The following CLGN variants were observed in gnomAD, a reference collection of about 807,000 sequenced individuals.
CLGN encodes testis tissue sperm-binding protein Li 79P.
In CLGN, 62 loss-of-function variants were observed where a neutral mutation model predicts 79.1. The observed-to-expected ratio is 0.78, with a 90% CI of 0.64 to 0.97. CLGN has a LOEUF of 0.97. CLGN is among the 50% of genes least tolerant of loss of function. CLGN has a pLI of 0.00. For missense variants in CLGN, 647 were observed against 715.5 expected (o/e 0.90, Z 1.09); for synonymous variants, 225 against 224.7 (o/e 1.00, Z -0.01).
chr4:140,395,721 T>A, intron 10 of CLGN, 98 bp downstream of exon 10: 1 of 1,050,742 alleles, frequency 9.5e-7, no homozygotes, highest in African/African-American at 1.6e-5. Flanking sequence ...AAATTAAAAA[T>A]GAAACTTCCA....
chr4:140,403,875 T>C (rs1204740688), intron 5 of CLGN, among the ~76,000 whole-genome samples: 1 of 152,202 alleles, frequency 6.6e-6, no homozygotes, highest in Admixed American at 6.5e-5. Context: ...ACCAAGGACA[T>C]ATGCAGAGTA....
At chr4:140,425,921 G>A (rs1459868075) in intron 1 of CLGN, among the ~76,000 whole-genome samples, 1 of 152,034 alleles carries the variant, frequency 6.6e-6, no homozygotes, top group Non-Finnish European at 1.5e-5. Flanking sequence ...GAGCCACCGC[G>A]CCGGGCCTTC....
Position 140,400,604 on chromosome 4 carries a change from A to G in CLGN, c.502-55T>C, listed in dbSNP as rs563898514. 38 of 1,142,788 alleles carry G rather than the reference A, an allele frequency of 3.3e-5. No individual in the cohort carries two copies. In the African/African-American group the frequency reaches 5.5e-4, roughly 17 times the overall value. The allele number at this position is 1,142,788 out of a possible 1,614,324, so 70.8% of individuals were successfully genotyped here. A position where few individuals can be genotyped will look rare whatever the true frequency, so the allele number is the denominator to read the frequency against. On this transcript the variant is annotated intron_variant, in intron 6 of 14. Coordinates refer to ENST00000325617, the MANE Select transcript of CLGN (RefSeq NM_004362.3). ...TCCAGAATCACAGACTATTTAATGC[A>G]TTTCTGTATTTTATCCAATGGGTAG...
intron 1 of CLGN, among the ~76,000 whole-genome samples, chr4:140,420,554 T>TAA (rs397878452): frequency 2.7e-5 from 4 of 150,734 alleles, no homozygotes; most frequent in African/African-American, 7.3e-5. Flanking sequence ...TTCTTTTTTT[T>TAA]AAAAAAAAAA....
At chr4:140,398,594 A>G (rs572083049) in intron 8 of CLGN, among the ~76,000 whole-genome samples, 1 of 152,182 alleles carries the variant, frequency 6.6e-6, no homozygotes, top group African/African-American at 2.4e-5. Context: ...GATTTATGAA[A>G]TTTTTAATCC....
In CLGN at chr4:140,399,095, A is replaced by T. The variant is rs889268114; in HGVS notation, c.695-55T>A. ...TATCATTTTGATATACGCTTTAAAG[A>T]TAATCTTCTAAATAATGTAACTACC... On this transcript the variant is annotated intron_variant, in intron 7 of 14. Coordinates refer to ENST00000325617, the MANE Select transcript of CLGN (RefSeq NM_004362.3). 7 of 1,428,470 alleles carry T rather than the reference A, an allele frequency of 4.9e-6. No homozygotes were observed. The African/African-American group carries it at 8.7e-5, about 18-fold the overall frequency. 88.5% of individuals were successfully genotyped at this position (1,428,470 alleles called of 1,614,324 possible).
At chr4:140,426,785 A>G (rs1729575308) in intron 1 of CLGN, 2 of 152,252 alleles carry the variant, frequency 1.3e-5, no homozygotes, top group Non-Finnish European at 2.9e-5. Context: ...GCTTGGGCAG[A>G]TGCTATAAAT....
In CLGN at chr4:140,389,294, G is replaced by C; in HGVS notation, c.1763C>G (p.Ala588Gly). The C allele has an allele frequency of 6.2e-7, 1 of 1,611,510 alleles. No individual in the cohort carries two copies. Among genetic ancestry groups the C allele is most frequent in the South Asian group, 1.1e-5 (1 of 90,976 alleles). The change falls in exon 15 of 15, where the codon GCA becomes GGA. Residue 588 changes from alanine to glycine, a missense_variant. Physicochemically the swap from Ala to Gly is moderately conservative, Grantham distance 60. Transcript: ENST00000325617. ...KSGSEDEMKE[A>G]DESTGSGDGP... Reference sequence around the variant, plus strand: ...ATCTCCAGATCCTGTGCTCTCATCTGCTTCTTTCATCTAGAAAAAATAATT... The same window carrying C: ...ATCTCCAGATCCTGTGCTCTCATCTCCTTCTTTCATCTAGAAAAAATAATT...
intron 8 of CLGN, among the ~76,000 whole-genome samples, chr4:140,397,020 G>A (rs1037515517): frequency 2.0e-5 from 3 of 149,706 alleles, no homozygotes; most frequent in African/African-American, 7.4e-5. Flanking sequence ...TCCTCTTGGA[G>A]GACATTTAGT....
At chr4:140,414,244 T>C (rs1441426992) in intron 1 of CLGN, among the ~76,000 whole-genome samples, 2 of 151,814 alleles carry the variant, frequency 1.3e-5, no homozygotes, top group Non-Finnish European at 2.9e-5. Context: ...ACCACAAAGA[T>C]GGGGGGAAAA....
intron 8 of CLGN, 73 bp from the exon 9 acceptor site, chr4:140,396,278 AC>A: frequency 8.5e-7 from 1 of 1,179,528 alleles, no homozygotes; most frequent in Non-Finnish European, 1.3e-6. Flanking sequence ...CTAAGAAGGT[AC>A]CATAAAATTA....
chr4:140,396,886 T>TATATATATATATATATAC (rs1728892860), intron 8 of CLGN, among the ~76,000 whole-genome samples: 1 of 61,964 alleles, frequency 1.6e-5, no homozygotes, highest in Non-Finnish European at 2.7e-5. Flanking sequence ...TATATATATA[T>TATATATATATATATATAC]ATATGTATAT....
Position 140,392,598 on chromosome 4 carries a change from T to C in CLGN, c.1479A>G (p.Pro493=). 1 of 1,596,666 alleles carries C rather than the reference T, an allele frequency of 6.3e-7. No individual in the cohort carries two copies. Among genetic ancestry groups the C allele is most frequent in the Non-Finnish European group, 8.5e-7 (1 of 1,175,164 alleles). ...PIALITSFCW[P]RKVKKKHKDT... ...CCATTTTCTTTACCTTTACTTTTCT[T>C]GGCCAACAAAATGAAGTAATTAATG... The change falls in exon 12 of 15, where the codon CCA becomes CCG. Residue 493 remains proline (P), a synonymous_variant. Coordinates refer to ENST00000325617, the MANE Select transcript of CLGN (RefSeq NM_004362.3).
At chr4:140,416,979 G>A (rs1306832090) in intron 1 of CLGN, among the ~76,000 whole-genome samples, 7 of 152,144 alleles carry the variant, frequency 4.6e-5, no homozygotes, top group Non-Finnish European at 8.8e-5. Context: ...GAATCCAGCA[G>A]CACATCAAAA....
In CLGN at chr4:140,394,165, T is replaced by C; in HGVS notation, c.1150-124A>G. 6 of 643,334 alleles carry C rather than the reference T, an allele frequency of 9.3e-6. No individual in the cohort carries two copies. In the South Asian group the frequency reaches 1.2e-4, roughly 13 times the overall value. 39.9% of individuals were successfully genotyped at this position (643,334 alleles called of 1,614,324 possible). On this transcript the variant is annotated intron_variant, in intron 10 of 14. Coordinates refer to ENST00000325617, the MANE Select transcript of CLGN (RefSeq NM_004362.3). ...CTGGAAAAAAGAGAATTTTAACTGA[T>C]ATTAATTCATTAGTAATATACTGGA...
intron 13 of CLGN, among the ~76,000 whole-genome samples, chr4:140,391,494 T>C (rs1728772481): frequency 6.6e-6 from 1 of 151,580 alleles, no homozygotes; most frequent in African/African-American, 2.4e-5. Context: ...AACATGTGTA[T>C]GTATATGTGT....
intron 10 of CLGN, among the ~76,000 whole-genome samples, chr4:140,394,370 A>C (rs1284043622): frequency 6.6e-6 from 1 of 152,212 alleles, no homozygotes; most frequent in Non-Finnish European, 1.5e-5. Flanking sequence ...GCAAAATGTT[A>C]TTCAAGTTGT....
chr4:140,398,917 T>C lies in CLGN; in HGVS notation c.818A>G (p.Lys273Arg), dbSNP rs143634804. ...PPKEIEDPND[K>R]KPEEWDERAK... ...TCTTTCATCCCATTCCTCAGGTTTT[T>C]TATCATTGGGATCTTCAATTTCTTT... is the stretch of plus-strand genomic sequence containing the variant. Residue 273 changes from lysine to arginine, a missense_variant, in exon 8 of 15, where the codon AAA becomes AGA. Physicochemically the swap from Lys to Arg is conservative, Grantham distance 26. Transcript: ENST00000325617. The C allele has an allele frequency of 2.0e-5, 33 of 1,614,002 alleles. No homozygotes were observed. In the East Asian group the frequency reaches 6.9e-4, roughly 34 times the overall value.
rs1728862459 is a variant in CLGN at position 140,395,835 on chromosome 4, T to C, written c.1133A>G (p.Asp378Gly). ...YKGVWRPPLV[D>G]NPNYQGIWSP... ...GGTTGTTACCTGATAGTTAGGATTA[T>C]CGACCAGTGGAGGTCTCCATACTCC... The change falls in exon 10 of 15, where the codon GAT becomes GGT. Residue 378 changes from aspartate (D) to glycine (G), a missense_variant. Transcript: ENST00000325617. 6.6e-7 allele frequency: 1 copy of C among 1,507,506 alleles called. No homozygotes were observed. Among genetic ancestry groups the C allele is most frequent in the Non-Finnish European group, 8.8e-7 (1 of 1,134,494 alleles). The allele number at this position is 1,507,506 out of a possible 1,614,324, so 93.4% of individuals were successfully genotyped here.
Sources: gnomAD v4.1 joint callset for allele counts (sites outside exome capture counted in the v4.1 genomes callset) on GRCh38, gnomAD v4.1.1 for gene constraint, MANE v1.5 for transcripts, NCBI Gene and HGNC (gene_info 2026-07-23, HGNC 2026-07-21) for gene names.